KAZN: variants seen among roughly 807,000 people sequenced by gnomAD.
KAZN encodes the protein kazrin.
Under a neutral mutation model 87.4 loss-of-function variants are expected in KAZN, and 40 were observed. That is an observed-to-expected ratio of 0.46 (90% CI 0.36 to 0.60). The LOEUF (loss-of-function observed/expected upper bound fraction) is 0.60, where lower values mean the gene tolerates loss of function less well. Ranked by LOEUF, KAZN falls within the 20% of genes least tolerant of loss-of-function variation. KAZN has a pLI of 0.00. For missense variants in KAZN, 898 were observed against 1,073.9 expected, an observed-to-expected ratio of 0.84 and a Z score of 2.29; for synonymous variants, 466 against 458.3, an observed-to-expected ratio of 1.02 and a Z score of -0.22.
chr1:14,543,546 C>T (rs1672944231), intron 2 of KAZN, among the ~76,000 whole-genome samples: 1 of 152,198 alleles, frequency 6.6e-6, no homozygotes, highest in South Asian at 2.1e-4. Flanking sequence ...TATATCAGCT[C>T]ATTAAAAGGT....
At chr1:14,775,066 C>A (rs763609925) in intron 1 of KAZN, among the ~76,000 whole-genome samples, 7 of 152,358 alleles carry the variant, frequency 4.6e-5, no homozygotes, top group Non-Finnish European at 5.9e-5. Flanking sequence ...CACCCACACT[C>A]TGCACCTAAG....
intron 8 of KAZN, among the ~76,000 whole-genome samples, chr1:15,088,750 C>A (rs534029694): frequency 6.6e-6 from 1 of 152,078 alleles, no homozygotes; most frequent in African/African-American, 2.4e-5. Flanking sequence ...CACGTCGTCT[C>A]GTTGGTGCTC....
chr1:14,094,082 G>A (rs1324632605), intron 1 of KAZN, among the ~76,000 whole-genome samples: 1 of 152,154 alleles, frequency 6.6e-6, no homozygotes, highest in Admixed American at 6.5e-5. Context: ...TTGGGGAAAG[G>A]GGGTTTTGGT....
Position 14,599,995 on chromosome 1 carries a change from A to G in KAZN, c.226+772A>G, listed in dbSNP as rs2148596739. 6.6e-6 allele frequency among the ~76,000 whole-genome samples: 1 copy of G among 152,286 alleles called. No homozygotes were observed. The highest frequency in any genetic ancestry group is 1.9e-4 in the East Asian group (1 of 5,180). ...TTTGTGTTCACATTGACAGAGATTAAGCTCTGAAACCCCCTGCAAGACATA... is the reference window on the plus strand; with the variant it reads ...TTTGTGTTCACATTGACAGAGATTAGGCTCTGAAACCCCCTGCAAGACATA... On this transcript the variant is annotated intron_variant, in intron 1 of 14. Transcript: ENST00000376030. The surrounding 1 kb of genome is among the most constrained non-coding windows in gnomAD (Gnocchi z 4.4).
chr1:14,349,387 A>G (rs1405824344), intron 2 of KAZN: 1 of 152,348 alleles, frequency 6.6e-6, no homozygotes, highest in South Asian at 2.1e-4. Flanking sequence ...ACCTACCAAA[A>G]TTTAAAAATT....
chr1:14,280,840 C>A (rs1652793128), intron 2 of KAZN, among the ~76,000 whole-genome samples: 1 of 152,196 alleles, frequency 6.6e-6, no homozygotes, highest in South Asian at 2.1e-4. Context: ...AATACAGGTT[C>A]ATCCTACTTC....
intron 1 of KAZN, among the ~76,000 whole-genome samples, chr1:14,146,773 C>G (rs963576701): frequency 7.4e-5 from 11 of 149,128 alleles, no homozygotes; most frequent in African/African-American, 2.5e-4. Flanking sequence ...TTTCTGGTAA[C>G]CTTTCATTTT....
At chr1:14,093,149 C>T (rs1160868409) in intron 1 of KAZN, among the ~76,000 whole-genome samples, 1 of 152,226 alleles carries the variant, frequency 6.6e-6, no homozygotes, top group Non-Finnish European at 1.5e-5. Flanking sequence ...TCCCTCGCCA[C>T]ATGTCTCTGT....
At chr1:15,034,598 G>A (rs1672069419) in intron 2 of KAZN, 151 bp from the exon 3 acceptor site, 1 of 925,512 alleles carries the variant, frequency 1.1e-6, no homozygotes, top group Non-Finnish European at 1.6e-6. Flanking sequence ...GCCACCAAGT[G>A]GCAAGGGCAC....
chr1:14,918,090 G>A (rs1658017300), intron 1 of KAZN, among the ~76,000 whole-genome samples: 1 of 152,152 alleles, frequency 6.6e-6, no homozygotes, highest in East Asian at 1.9e-4. Context: ...TGTTGGCCAG[G>A]ATGGTCTCAA....
At chr1:14,758,097 G>GTTTT in intron 1 of KAZN, among the ~76,000 whole-genome samples, 1 of 144,706 alleles carries the variant, frequency 6.9e-6, no homozygotes. Context: ...TTGTTTGTTT[G>GTTTT]TTTGTTTCTT....
intron 2 of KAZN, among the ~76,000 whole-genome samples, chr1:14,551,401 G>C (rs1044002358): frequency 3.9e-5 from 6 of 152,190 alleles, no homozygotes; most frequent in Non-Finnish European, 8.8e-5. Context: ...CCCCTGTAGA[G>C]AATTTGGGAC....
At chr1:13,936,385 A>C (rs1444173063) in intron 1 of KAZN, among the ~76,000 whole-genome samples, 1 of 151,858 alleles carries the variant, frequency 6.6e-6, no homozygotes, top group African/African-American at 2.4e-5. Context: ...TACTGGCATG[A>C]GCCACCATGC....
chr1:15,094,346 G>A lies in KAZN; in HGVS notation c.1389G>A (p.Met463Ile). 6.2e-7 allele frequency: 1 copy of A among 1,613,844 alleles called. No individual in the cohort carries two copies. Among genetic ancestry groups the A allele is most frequent in the Non-Finnish European group, 8.5e-7 (1 of 1,179,810 alleles). The change falls in exon 9 of 15, where the codon ATG (methionine) becomes ATA (isoleucine). Residue 463 changes from methionine (M) to isoleucine (I), a missense_variant. Physicochemically the swap from Met to Ile is conservative, Grantham distance 10. Coordinates refer to ENST00000376030, the MANE Select transcript of KAZN (RefSeq NM_201628.3). This position sits in a 1 kb window ranked among gnomAD's most constrained non-coding sequence, Gnocchi z 4.5. Reference sequence around the variant, plus strand: ...TGGAGGTGGTGATGGCCATGCCTATGTACGTCAAGGCCTGCACGGAGAACG... The same window carrying A: ...TGGAGGTGGTGATGGCCATGCCTATATACGTCAAGGCCTGCACGGAGAACG... ...AWLEVVMAMP[M>I]YVKACTENVK...
chr1:14,358,564 G>T (rs1220638908), intron 2 of KAZN, among the ~76,000 whole-genome samples: 1 of 152,126 alleles, frequency 6.6e-6, no homozygotes, highest in African/African-American at 2.4e-5. Context: ...GGCATTTAGT[G>T]CTATAAATTT....
intron 1 of KAZN, among the ~76,000 whole-genome samples, chr1:14,072,986 C>T (rs1320606319): frequency 6.6e-6 from 1 of 152,008 alleles, no homozygotes; most frequent in Non-Finnish European, 1.5e-5. Flanking sequence ...CTTTTTAGAT[C>T]AGGGCTGGTT....
intron 1 of KAZN, among the ~76,000 whole-genome samples, chr1:14,703,843 C>T (rs1379300436): frequency 3.3e-5 from 5 of 152,160 alleles, no homozygotes; most frequent in Admixed American, 1.3e-4. Flanking sequence ...GGCGTCGCTG[C>T]GCTTCAGCCT....
chr1:14,416,701 C>T (rs570136576), intron 2 of KAZN, among the ~76,000 whole-genome samples: 2 of 152,050 alleles, frequency 1.3e-5, no homozygotes, highest in African/African-American at 4.8e-5. Context: ...CACGCCACTG[C>T]ACTCCAGCCT....
At chr1:14,846,830 T>C (rs1000436230) in intron 1 of KAZN, among the ~76,000 whole-genome samples, 4 of 152,126 alleles carry the variant, frequency 2.6e-5, no homozygotes, top group African/African-American at 9.7e-5. Flanking sequence ...TCTTCTTATA[T>C]AGGAAGGTGA....
Sources: allele counts gnomAD v4.1 joint callset (sites outside exome capture counted in the v4.1 genomes callset), GRCh38; gene constraint gnomAD v4.1.1; non-coding constraint Gnocchi (gnomAD v3.1); transcripts MANE v1.5; gene names NCBI Gene and HGNC (gene_info 2026-07-23, HGNC 2026-07-21).